Variants in XRCC4 observed in about 807,000 individuals in gnomAD.
The protein encoded by XRCC4 is X-ray repair cross complementing 4.
Under a neutral mutation model 39.1 loss-of-function variants are expected in XRCC4, and 28 were observed. That is an observed-to-expected ratio of 0.72 (90% CI 0.53 to 0.98). The LOEUF is 0.98. XRCC4 is among the 50% of genes least tolerant of loss of function. XRCC4 has a pLI of 0.00. For synonymous variants in XRCC4, 123 were observed against 126.4 expected (o/e 0.97, Z 0.18); for missense variants, 350 against 376.4 (o/e 0.93, Z 0.58).
At chr5:83,142,746 T>C (rs1403844052) in intron 3 of XRCC4, among the ~76,000 whole-genome samples, 1 of 152,226 alleles carries the variant, frequency 6.6e-6, no homozygotes, top group Non-Finnish European at 1.5e-5. Flanking sequence ...ACCCGTTCTG[T>C]AGATGGCAAC....
intron 3 of XRCC4, among the ~76,000 whole-genome samples, chr5:83,168,112 A>G (rs539406705): frequency 7.2e-5 from 11 of 152,332 alleles, no homozygotes; most frequent in African/African-American, 2.6e-4. Flanking sequence ...AAAAGATTCT[A>G]GATTCTATAA....
chr5:83,331,722 A>G (rs1246470936), intron 7 of XRCC4, among the ~76,000 whole-genome samples: 1 of 152,176 alleles, frequency 6.6e-6, no homozygotes, highest in Non-Finnish European at 1.5e-5. Flanking sequence ...TGTTGAAATA[A>G]AATTCTTTGA....
intron 3 of XRCC4, among the ~76,000 whole-genome samples, chr5:83,138,600 G>A (rs1046548044): frequency 6.6e-6 from 1 of 151,890 alleles, no homozygotes; most frequent in Non-Finnish European, 1.5e-5. Flanking sequence ...CACTTTGCTA[G>A]TATACTTTAT....
intron 3 of XRCC4, among the ~76,000 whole-genome samples, chr5:83,173,094 A>T (rs1439966312): frequency 6.6e-6 from 1 of 152,148 alleles, no homozygotes; most frequent in Non-Finnish European, 1.5e-5. Context: ...CATGAATAAA[A>T]GTCATTCTTA....
chr5:83,364,862 C>G, the XRCC4 span, among the ~76,000 whole-genome samples: 1 of 152,144 alleles, frequency 6.6e-6, no homozygotes, highest in Non-Finnish European at 1.5e-5. Context: ...ACAATGTACT[C>G]TTTCATTTTA....
chr5:83,152,227 A>G (rs553735811), intron 3 of XRCC4, among the ~76,000 whole-genome samples: 22 of 152,370 alleles, frequency 1.4e-4, no homozygotes, highest in Admixed American at 1.2e-3. Flanking sequence ...TTAAAAAGAT[A>G]TAGCCAAACT....
At chr5:83,220,000 A>G (rs563419900) in intron 6 of XRCC4, among the ~76,000 whole-genome samples, 1 of 152,250 alleles carries the variant, frequency 6.6e-6, no homozygotes, top group East Asian at 1.9e-4. Flanking sequence ...AGAGGAAATC[A>G]AATTGTACTA....
chr5:83,332,764 G>A (rs968320686), intron 7 of XRCC4, among the ~76,000 whole-genome samples: 1 of 152,078 alleles, frequency 6.6e-6, no homozygotes, highest in African/African-American at 2.4e-5. Context: ...GTTTCATGAG[G>A]GAAGTAGCAT....
At chr5:83,237,016 T>C (rs540830844) in intron 6 of XRCC4, among the ~76,000 whole-genome samples, 18 of 152,116 alleles carry the variant, frequency 1.2e-4, no homozygotes, top group African/African-American at 4.1e-4. Context: ...CAATGAGATA[T>C]CATCTCACCC....
At chr5:83,175,664 A>G (rs185360968) in intron 3 of XRCC4, among the ~76,000 whole-genome samples, 61 of 151,992 alleles carry the variant, frequency 4.0e-4, no homozygotes, top group African/African-American at 1.2e-3. Context: ...ACTGAAGTGC[A>G]GTGGTGTCAT....
At chr5:83,362,669 G>T in the XRCC4 span, among the ~76,000 whole-genome samples, 1 of 152,084 alleles carries the variant, frequency 6.6e-6, no homozygotes. Flanking sequence ...TAAGTTTTCT[G>T]TTATTGTCCT....
intron 7 of XRCC4, chr5:83,280,100 A>AT (rs1427426888): frequency 1.4e-5 from 3 of 207,058 alleles, no homozygotes; most frequent in Admixed American, 5.6e-5. Context: ...AGAGGTACAC[A>AT]TTTTTCAGTA....
At chr5:83,227,068 G>C (rs1389212084) in intron 6 of XRCC4, among the ~76,000 whole-genome samples, 1 of 151,738 alleles carries the variant, frequency 6.6e-6, no homozygotes, top group Non-Finnish European at 1.5e-5. Context: ...TTCACTTTTA[G>C]TTCTCTGTGC....
chr5:83,290,249 G>A (rs903386023), intron 7 of XRCC4, among the ~76,000 whole-genome samples: 5 of 151,568 alleles, frequency 3.3e-5, no homozygotes, highest in Admixed American at 2.0e-4. Context: ...TTATCTTTAC[G>A]TATTGAATAT....
chr5:83,113,507 G>A (rs1271443186), intron 3 of XRCC4, among the ~76,000 whole-genome samples: 4 of 152,222 alleles, frequency 2.6e-5, no homozygotes, highest in African/African-American at 4.8e-5. Context: ...CCCCAGTGGG[G>A]ACTCTGTATA....
chr5:83,247,309 A>G (rs1215256014), intron 6 of XRCC4, among the ~76,000 whole-genome samples: 1 of 152,118 alleles, frequency 6.6e-6, no homozygotes, highest in African/African-American at 2.4e-5. Context: ...CTAGCAGCAG[A>G]CCAGTTCTGG....
intron 7 of XRCC4, among the ~76,000 whole-genome samples, chr5:83,260,868 GC>G (rs1422182604): frequency 2.0e-5 from 3 of 151,956 alleles, no homozygotes; most frequent in Non-Finnish European, 4.4e-5. Context: ...ATCATTGTAG[GC>G]CCTTTAGGCA....
In XRCC4 at chr5:83,218,209, C is replaced by G. The variant is rs1176398688; in HGVS notation, c.745+13288C>G. Reference sequence around the variant, plus strand: ...CATTAGGTAGATCTACTAATGCTATCCCTCCCCCCTCCCCCCACCCCACAA... The same window carrying G: ...CATTAGGTAGATCTACTAATGCTATGCCTCCCCCCTCCCCCCACCCCACAA... On this transcript the variant is annotated intron_variant, in intron 6 of 7. Coordinates refer to ENST00000396027, the MANE Select transcript of XRCC4 (RefSeq NM_003401.5). Among the ~76,000 whole-genome samples, 4 of 101,088 alleles carry G rather than the reference C, an allele frequency of 4.0e-5. No individual in the cohort carries two copies. In the East Asian group the frequency reaches 1.4e-3, roughly 36 times the overall value. 66.3% of individuals were successfully genotyped at this position (101,088 alleles called of 152,430 possible). A position where few individuals can be genotyped will look rare whatever the true frequency, so the allele number is the denominator to read the frequency against.
At chr5:83,188,752 T>G (rs1049913501) in intron 3 of XRCC4, among the ~76,000 whole-genome samples, 4 of 152,156 alleles carry the variant, frequency 2.6e-5, no homozygotes, top group Non-Finnish European at 4.4e-5. Flanking sequence ...TTTCAGCTTA[T>G]TTTTAATAAT....
Sources: gnomAD v4.1 joint callset for allele counts (sites outside exome capture counted in the v4.1 genomes callset) on GRCh38, gnomAD v4.1.1 for gene constraint, MANE v1.5 for transcripts, NCBI Gene and HGNC (gene_info 2026-07-23, HGNC 2026-07-21) for gene names.